IL15: variants seen among roughly 807,000 people sequenced by gnomAD.
The protein encoded by IL15 is interleukin-15.
A neutral mutation model predicts 19.6 loss-of-function variants in IL15; 11 were observed. The ratio of observed to expected loss-of-function variants is 0.56; its 90% CI spans 0.35 to 0.93. The LOEUF (loss-of-function observed/expected upper bound fraction) is 0.93. Ranked by LOEUF, IL15 falls within the 40% of genes least tolerant of loss-of-function variation. IL15 has a pLI of 0.01. For missense variants in IL15, 197 were observed against 186.5 expected, an observed-to-expected ratio of 1.06 and a Z score of -0.33; for synonymous variants, 58 against 59.6, an observed-to-expected ratio of 0.97 and a Z score of 0.12.
intron 5 of IL15, among the ~76,000 whole-genome samples, chr4:141,727,174 A>G (rs1157719430): frequency 6.6e-6 from 1 of 152,160 alleles, no homozygotes; most frequent in East Asian, 1.9e-4. Context: ...AACACAAATA[A>G]TGAGCCCTAA....
intron 2 of IL15, among the ~76,000 whole-genome samples, chr4:141,680,054 G>T (rs1728481399): frequency 6.6e-6 from 1 of 152,120 alleles, no homozygotes; most frequent in Non-Finnish European, 1.5e-5. Context: ...CACTATACAA[G>T]AACCTATACT....
chr4:141,681,717 G>A (rs562477663), intron 2 of IL15, among the ~76,000 whole-genome samples: 71 of 152,126 alleles, frequency 4.7e-4, no homozygotes, highest in Non-Finnish European at 9.1e-4. Flanking sequence ...TTTTCCCAAA[G>A]GCAATTATTT....
intron 2 of IL15, among the ~76,000 whole-genome samples, chr4:141,662,362 A>G (rs993099492): frequency 2.0e-5 from 3 of 152,244 alleles, no homozygotes; most frequent in African/African-American, 7.2e-5. Context: ...TTAGAAGACT[A>G]TAGATTTTGG....
chr4:141,643,413 T>C (rs1332266252), intron 1 of IL15, among the ~76,000 whole-genome samples: 1 of 152,188 alleles, frequency 6.6e-6, no homozygotes, highest in Non-Finnish European at 1.5e-5. Context: ...CTTTCTCTCC[T>C]GAACCAGCCA....
At chr4:141,656,153 T>C (rs2152158665) in intron 1 of IL15, 33 bp from the exon 2 acceptor site, 1 of 398,190 alleles carries the variant, frequency 2.5e-6, no homozygotes, top group East Asian at 3.6e-5. Flanking sequence ...ACATAATTAT[T>C]AATCCTCTTA....
intron 1 of IL15, among the ~76,000 whole-genome samples, chr4:141,651,516 C>G (rs1727405874): frequency 6.6e-6 from 1 of 151,950 alleles, no homozygotes; most frequent in Non-Finnish European, 1.5e-5. Flanking sequence ...CACTAATAGC[C>G]CAGACTTTAC....
chr4:141,722,706 G>A (rs1009377993), intron 5 of IL15, among the ~76,000 whole-genome samples: 4 of 152,130 alleles, frequency 2.6e-5, no homozygotes, highest in African/African-American at 7.2e-5. Context: ...AATTGAAGTG[G>A]ATCAGATGTT....
At chr4:141,703,705 C>G (rs985594320) in intron 2 of IL15, among the ~76,000 whole-genome samples, 45 of 140,712 alleles carry the variant, frequency 3.2e-4, no homozygotes, top group African/African-American at 1.2e-3. Flanking sequence ...GTGGGAGAGG[C>G]ATGCTAACAC....
intron 2 of IL15, among the ~76,000 whole-genome samples, chr4:141,684,221 T>C (rs937965602): frequency 1.3e-5 from 2 of 152,204 alleles, no homozygotes; most frequent in African/African-American, 4.8e-5. Flanking sequence ...GTCTTTTTTT[T>C]CTGTTAAAAG....
chr4:141,711,330 G>A (rs1729710886), intron 2 of IL15, among the ~76,000 whole-genome samples: 1 of 152,090 alleles, frequency 6.6e-6, no homozygotes, highest in African/African-American at 2.4e-5. Flanking sequence ...AAATTGGCGA[G>A]ATGAATGTAG....
chr4:141,667,732 T>C (rs1245830760), intron 2 of IL15, among the ~76,000 whole-genome samples: 1 of 152,132 alleles, frequency 6.6e-6, no homozygotes, highest in East Asian at 1.9e-4. Flanking sequence ...CATCTTTTGG[T>C]TTTTTATTTC....
At chr4:141,705,851 G>A (rs1315991054) in intron 2 of IL15, among the ~76,000 whole-genome samples, 1 of 151,646 alleles carries the variant, frequency 6.6e-6, no homozygotes, top group Admixed American at 6.6e-5. Flanking sequence ...TCTTTTTACA[G>A]TTTTTGACTT....
intron 2 of IL15, among the ~76,000 whole-genome samples, chr4:141,694,356 A>G (rs1729023032): frequency 1.3e-5 from 2 of 152,226 alleles, no homozygotes; most frequent in Non-Finnish European, 2.9e-5. Flanking sequence ...GAGGTTAGAG[A>G]TCATGAATTG....
chr4:141,713,545 A>G (rs1301847237), intron 2 of IL15, among the ~76,000 whole-genome samples: 1 of 152,206 alleles, frequency 6.6e-6, no homozygotes, highest in African/African-American at 2.4e-5. Flanking sequence ...AGTGTTAACC[A>G]GTTGCTGCTT....
chr4:141,663,766 T>A (rs1727872506), intron 2 of IL15, among the ~76,000 whole-genome samples: 1 of 152,138 alleles, frequency 6.6e-6, no homozygotes, highest in Admixed American at 6.5e-5. Context: ...TGCCTGGCTT[T>A]GGTGAAAAGG....
chr4:141,647,591 C>T (rs529019581), intron 1 of IL15, among the ~76,000 whole-genome samples: 83 of 152,068 alleles, frequency 5.5e-4, no homozygotes, highest in African/African-American at 1.9e-3. Flanking sequence ...TTCGGGAAGG[C>T]CTTCGAGGAG....
chr4:141,648,565 T>G lies in IL15; in HGVS notation c.-221-7621T>G, dbSNP rs528018211. ...TTAATTTATTTAGTGTCTCTTCTCC[T>G]GAGGGTTTAAGAGAAGAAATATGGT... On this transcript the variant is annotated intron_variant, in intron 1 of 7. Transcript: ENST00000320650. Among the ~76,000 whole-genome samples the G allele has an allele frequency of 1.1e-4, 16 of 152,154 alleles. No individual in the cohort carries two copies. The East Asian group carries it at 1.2e-3, about 11-fold the overall frequency.
chr4:141,655,113 A>G (rs534123676), intron 1 of IL15, among the ~76,000 whole-genome samples: 4 of 152,244 alleles, frequency 2.6e-5, no homozygotes, highest in South Asian at 2.1e-4. Flanking sequence ...CATTTATGGT[A>G]CTTGTGAATT....
intron 2 of IL15, chr4:141,714,569 T>A (rs1239576722): frequency 6.6e-6 from 1 of 152,226 alleles, no homozygotes; most frequent in East Asian, 1.9e-4. Context: ...CCCCTAAAAG[T>A]GCTATTGTCA....
Sources: gnomAD v4.1 joint callset for allele counts (sites outside exome capture counted in the v4.1 genomes callset) on GRCh38, gnomAD v4.1.1 for gene constraint, MANE v1.5 for transcripts, NCBI Gene and HGNC (gene_info 2026-07-23, HGNC 2026-07-21) for gene names.